The following NALCN variants were observed in gnomAD, a reference collection of about 807,000 sequenced individuals.
NALCN encodes the protein sodium leak channel NALCN.
In NALCN, 111 loss-of-function variants were observed where a neutral mutation model predicts 225.3. That is an observed-to-expected ratio of 0.49 (90% CI 0.42 to 0.58). The LOEUF (loss-of-function observed/expected upper bound fraction) is 0.58. Ranked by LOEUF, NALCN falls within the 20% of genes least tolerant of loss-of-function variation. The pLI is 0.00. For synonymous variants in NALCN, 764 were observed against 769.0 expected (o/e 0.99, Z 0.11); for missense variants, 1,378 against 2,202.4 (o/e 0.63, Z 7.49).
chr13:101,136,314 A>ATTTATTTGTTTATT (rs61142230), intron 17 of NALCN, among the ~76,000 whole-genome samples: 1 of 74,158 alleles, frequency 1.3e-5, no homozygotes, highest in African/African-American at 2.9e-5. Flanking sequence ...TTATTTATTT[A>ATTTATTTGTTTATT]TATATTATAC....
At chr13:101,196,353 C>A (rs958163210) in intron 13 of NALCN, among the ~76,000 whole-genome samples, 5 of 152,176 alleles carry the variant, frequency 3.3e-5, no homozygotes, top group Admixed American at 2.0e-4. Context: ...TTTCTTTAAA[C>A]CATCAATTGC....
intron 6 of NALCN, among the ~76,000 whole-genome samples, chr13:101,347,936 A>T (rs901786698): frequency 6.6e-6 from 1 of 152,200 alleles, no homozygotes; most frequent in African/African-American, 2.4e-5. Flanking sequence ...AAACAGAACA[A>T]TAAAGACTTG....
intron 7 of NALCN, among the ~76,000 whole-genome samples, chr13:101,330,552 C>T (rs577488477): frequency 6.6e-6 from 1 of 152,194 alleles, no homozygotes; most frequent in South Asian, 2.1e-4. Flanking sequence ...GCAAAAGAGT[C>T]TCCTCAGAGA....
chr13:101,149,780 C>T (rs1286131397), intron 15 of NALCN, among the ~76,000 whole-genome samples: 1 of 152,150 alleles, frequency 6.6e-6, no homozygotes, highest in Non-Finnish European at 1.5e-5. Flanking sequence ...TGAATCAAAC[C>T]TCCTAAAAGC....
chr13:101,406,049 C>T (rs1256017351), intron 1 of NALCN, among the ~76,000 whole-genome samples: 2 of 151,746 alleles, frequency 1.3e-5, no homozygotes, highest in Non-Finnish European at 2.9e-5. Flanking sequence ...TGTGTGGTGG[C>T]TCCCACTTGT....
Position 101,395,071 on chromosome 13 carries a change from A to G in NALCN, c.291+112T>C. On this transcript the variant is annotated intron_variant, in intron 3 of 43. Coordinates refer to ENST00000251127, the MANE Select transcript of NALCN (RefSeq NM_052867.4). ...CTTTTTAAAAAGGACTTCCATATGT[A>G]TAAGATAAAATGATGTTTTGTTTTA... The G allele has an allele frequency of 4.7e-6, 5 of 1,062,724 alleles. No individual in the cohort carries two copies. The South Asian group carries it at 9.3e-5, about 20-fold the overall frequency. The allele number at this position is 1,062,724 out of a possible 1,614,324, so 65.8% of individuals were successfully genotyped here. A position where few individuals can be genotyped will look rare whatever the true frequency, so the allele number is the denominator to read the frequency against.
intron 11 of NALCN, among the ~76,000 whole-genome samples, chr13:101,254,251 T>A (rs1465665295): frequency 6.6e-6 from 1 of 151,256 alleles, no homozygotes; most frequent in East Asian, 2.0e-4. Flanking sequence ...GGTGTGCCTG[T>A]TATCCCAGCT....
At chr13:101,384,196 T>C (rs931470675) in intron 3 of NALCN, among the ~76,000 whole-genome samples, 6 of 152,096 alleles carry the variant, frequency 3.9e-5, no homozygotes, top group Admixed American at 3.3e-4. Flanking sequence ...CTAACACATA[T>C]GAATGCCCAG....
chr13:101,120,331 C>G (rs1271094848), intron 18 of NALCN, among the ~76,000 whole-genome samples: 1 of 152,120 alleles, frequency 6.6e-6, no homozygotes, highest in Admixed American at 6.5e-5. Context: ...AGCTGTTAAA[C>G]AGTCAGCAAC....
rs1238744813 is a variant in NALCN at position 101,354,270 on chromosome 13, C to T, written c.645-8850G>A. 4.6e-5 allele frequency among the ~76,000 whole-genome samples: 7 copies of T among 151,970 alleles called. No homozygotes were observed. The East Asian group carries it at 7.7e-4, about 17-fold the overall frequency. On this transcript the variant is annotated intron_variant, in intron 6 of 43. Transcript: ENST00000251127. ...AGGCAGGAGAATCACTTGAACCCAG[C>T]GGGTAGAGGTTGCACTGAGCCAACA... is the stretch of plus-strand genomic sequence containing the variant.
At chr13:101,397,779 A>C (rs2047358479) in intron 2 of NALCN, among the ~76,000 whole-genome samples, 1 of 152,140 alleles carries the variant, frequency 6.6e-6, no homozygotes, top group African/African-American at 2.4e-5. Flanking sequence ...ACAGTTATTT[A>C]TAGATAACTT....
At chr13:101,389,020 A>C (rs1407292648) in intron 3 of NALCN, among the ~76,000 whole-genome samples, 2 of 152,194 alleles carry the variant, frequency 1.3e-5, no homozygotes, top group African/African-American at 4.8e-5. Flanking sequence ...AATAACAGAG[A>C]TGTTAGCATT....
intron 14 of NALCN, among the ~76,000 whole-genome samples, chr13:101,189,287 T>C (rs1042542110): frequency 1.3e-5 from 2 of 152,106 alleles, no homozygotes; most frequent in Non-Finnish European, 2.9e-5. Flanking sequence ...AGAAGAAGAA[T>C]GGAAATTAAT....
chr13:101,158,205 G>A (rs1165897263), intron 15 of NALCN, among the ~76,000 whole-genome samples: 1 of 152,230 alleles, frequency 6.6e-6, no homozygotes, highest in African/African-American at 2.4e-5. Context: ...TATGTCCTTT[G>A]TTGATAGGGT....
chr13:101,084,149 T>C (rs189980762), intron 30 of NALCN, among the ~76,000 whole-genome samples: 65 of 152,338 alleles, frequency 4.3e-4, no homozygotes, highest in African/African-American at 1.6e-3. Flanking sequence ...TTTCATTTCA[T>C]AGCAGCAAAA....
chr13:101,196,278 T>A (rs2039886746), intron 13 of NALCN, among the ~76,000 whole-genome samples: 1 of 152,212 alleles, frequency 6.6e-6, no homozygotes, highest in Non-Finnish European at 1.5e-5. Flanking sequence ...TCAAGTAGCT[T>A]CCAGATTCTC....
intron 13 of NALCN, among the ~76,000 whole-genome samples, chr13:101,193,107 T>TTC (rs1284389980): frequency 1.6e-4 from 24 of 151,626 alleles, no homozygotes; most frequent in African/African-American, 3.6e-4. Flanking sequence ...TCCTTCTTTT[T>TTC]TTTTTTTTTT....
At chr13:101,359,802 C>T (rs1299257645) in intron 6 of NALCN, among the ~76,000 whole-genome samples, 2 of 152,064 alleles carry the variant, frequency 1.3e-5, no homozygotes, top group Non-Finnish European at 2.9e-5. Flanking sequence ...TCTTCTTTGG[C>T]CAAAAACATT....
chr13:101,068,565 GACA>G, intron 38 of NALCN, 127 bp downstream of exon 38: 1 of 999,270 alleles, frequency 1.0e-6, no homozygotes, highest in South Asian at 2.8e-5. Context: ...TGGATTGAGA[GACA>G]ACAATTTATA....
Sources: gnomAD v4.1 joint callset for allele counts (sites outside exome capture counted in the v4.1 genomes callset) on GRCh38, gnomAD v4.1.1 for gene constraint, MANE v1.5 for transcripts, NCBI Gene and HGNC (gene_info 2026-07-23, HGNC 2026-07-21) for gene names.